Variants in PLCG2 observed in about 807,000 individuals in gnomAD.
PLCG2 encodes 1-phosphatidylinositol 4,5-bisphosphate phosphodiesterase gamma-2.
A neutral mutation model predicts 175.6 loss-of-function variants in PLCG2; 69 were observed. The ratio of observed to expected loss-of-function variants is 0.39; its 90% confidence interval spans 0.32 to 0.48. The LOEUF is 0.48. Ranked by LOEUF, PLCG2 falls within the 20% of genes least tolerant of loss-of-function variation. The pLI is 0.91. For synonymous variants in PLCG2, 827 were observed against 624.0 expected, an observed-to-expected ratio of 1.33 and a Z score of -4.85; for missense variants, 1,798 against 1,650.9, an observed-to-expected ratio of 1.09 and a Z score of -1.54.
intron 14 of PLCG2, among the ~76,000 whole-genome samples, chr16:81,904,081 C>T (rs1019217231): frequency 6.6e-6 from 1 of 152,162 alleles, no homozygotes; most frequent in Non-Finnish European, 1.5e-5. Context: ...CAGCCAGGGT[C>T]ACACATTTAG....
chr16:81,958,037 C>T lies in PLCG2; in HGVS notation c.*39C>T, dbSNP rs765000162. 1 of 1,449,488 alleles carries T rather than the reference C, an allele frequency of 6.9e-7. No homozygotes were observed. Among genetic ancestry groups the T allele is most frequent in the Admixed American group, 1.7e-5 (1 of 59,666 alleles). 89.8% of individuals were successfully genotyped at this position (1,449,488 alleles called of 1,614,324 possible). On this transcript the variant is annotated 3_prime_UTR_variant, in exon 33 of 33. Transcript: ENST00000564138. ...TGTGTAAGGGTATTGTGTGTGTGCG[C>T]ATGTGTGTTTGCATGTAGGAGAACG...
At chr16:81,896,051 C>G (rs1413010721) in intron 13 of PLCG2, 124 bp downstream of exon 13, 2 of 1,223,820 alleles carry the variant, frequency 1.6e-6, no homozygotes, top group Non-Finnish European at 2.3e-6. Context: ...GGCCTGGGCC[C>G]CATCTTGGCC....
At chr16:81,745,356 C>T (rs1909683618) in intron 1 of PLCG2, among the ~76,000 whole-genome samples, 1 of 152,178 alleles carries the variant, frequency 6.6e-6, no homozygotes, top group African/African-American at 2.4e-5. Flanking sequence ...GTTGCAATAT[C>T]CCTTAGGGTA....
intron 7 of PLCG2, among the ~76,000 whole-genome samples, chr16:81,874,903 C>T (rs1354441556): frequency 1.3e-5 from 2 of 149,280 alleles, no homozygotes; most frequent in Non-Finnish European, 2.9e-5. Context: ...AAGATGATAG[C>T]CAACATTTTC....
At chr16:81,839,068 T>G (rs1905683378) in intron 2 of PLCG2, among the ~76,000 whole-genome samples, 1 of 152,176 alleles carries the variant, frequency 6.6e-6, no homozygotes, top group Non-Finnish European at 1.5e-5. Context: ...CTAGGTAGAA[T>G]TTAATCATAT....
In PLCG2 at chr16:81,936,338, G is replaced by T. The variant is rs936251719; in HGVS notation, c.3012G>T (p.Leu1004=). The change falls in exon 27 of 33, where the codon CTG becomes CTT. Residue 1004 remains leucine, a synonymous_variant. Coordinates refer to ENST00000564138, the MANE Select transcript of PLCG2 (RefSeq NM_002661.5). Reference sequence around the variant, plus strand: ...ACTACGACCCCTTCCGCCTCTGGCTGTGCGGTTCTCAGATGGTGGCACTCA... The same window carrying T: ...ACTACGACCCCTTCCGCCTCTGGCTTTGCGGTTCTCAGATGGTGGCACTCA... ...SSNYDPFRLW[L]CGSQMVALNF... 9.3e-6 allele frequency: 15 copies of T among 1,614,148 alleles called. No individual in the cohort carries two copies. The highest frequency in any genetic ancestry group is 1.3e-5 in the Non-Finnish European group (15 of 1,180,028).
chr16:81,930,855 A>T (rs16956005), intron 24 of PLCG2, among the ~76,000 whole-genome samples: 31,733 of 152,102 alleles, frequency 0.21, 3,556 homozygotes, highest in African/African-American at 0.26. Context: ...CAGTTCACAA[A>T]ATTTTATGTA....
intron 8 of PLCG2, among the ~76,000 whole-genome samples, chr16:81,882,162 C>G (rs1316854250): frequency 6.6e-6 from 1 of 152,186 alleles, no homozygotes; most frequent in Non-Finnish European, 1.5e-5. Context: ...GGGAAACATA[C>G]CCATTACCCT....
At position 81,912,572 on chromosome 16, in the gene PLCG2, C is replaced by A. The variant is rs772387182; in HGVS notation, c.1935-25C>A. On this transcript the variant is annotated intron_variant, in intron 18 of 32. Transcript: ENST00000564138. The stretch of plus-strand genomic sequence containing the variant: ...ACAGCCTGGAGACCGCTCACCTGGT[C>A]GTTTTCCCTGGCCCTGTGCCGCAGG... The A allele has an allele frequency of 6.8e-6, 11 of 1,610,998 alleles. No individual in the cohort carries two copies. In the South Asian group the frequency reaches 1.1e-4, roughly 16 times the overall value.
At chr16:81,908,667 G>T in intron 17 of PLCG2, 76 bp downstream of exon 17, 1 of 1,330,418 alleles carries the variant, frequency 7.5e-7, no homozygotes, top group Non-Finnish European at 1.0e-6. Context: ...AGTGGTTCTA[G>T]CTCAGGCAGG....
At chr16:81,897,877 T>A (rs1004682654) in intron 13 of PLCG2, 2 of 455,820 alleles carry the variant, frequency 4.4e-6, no homozygotes, top group East Asian at 7.0e-5. Context: ...TTACTGCAGA[T>A]GTCCCTTGAG....
rs889447724 is a variant in PLCG2, at chr16:81,748,326, G to A, written c.-144-7544G>A. ...AATTGCTTGAACCTGGAAGGTGGAA[G>A]TTGCAGTAAGTCGAGATGGTGCCAC... On this transcript the variant is annotated intron_variant, in intron 1 of 5. Transcript: ENST00000565054. 7.9e-5 allele frequency among the ~76,000 whole-genome samples: 12 copies of A among 152,170 alleles called. No individual in the cohort carries two copies. The East Asian group carries it at 2.3e-3, about 30-fold the overall frequency.
At chr16:81,862,031 C>A (rs973632889) in intron 5 of PLCG2, among the ~76,000 whole-genome samples, 1 of 152,378 alleles carries the variant, frequency 6.6e-6, no homozygotes, top group East Asian at 1.9e-4. Context: ...GAAAATCCCA[C>A]CTTTCCTGTG....
At chr16:81,869,085 G>A in intron 5 of PLCG2, 129 bp from the exon 6 acceptor site, 1 of 696,114 alleles carries the variant, frequency 1.4e-6, no homozygotes, top group Non-Finnish European at 2.6e-6. Context: ...CCCAGTTAGT[G>A]GTCCATAAAT....
At chr16:81,852,734 C>T (rs902480541) in intron 2 of PLCG2, among the ~76,000 whole-genome samples, 5 of 152,304 alleles carry the variant, frequency 3.3e-5, no homozygotes, top group African/African-American at 1.2e-4. Flanking sequence ...TTATTTATTG[C>T]ACATATTTCT....
At chr16:81,950,990 G>C (rs1211032987) in intron 31 of PLCG2, among the ~76,000 whole-genome samples, 3 of 151,264 alleles carry the variant, frequency 2.0e-5, no homozygotes, top group Admixed American at 2.0e-4. Context: ...TTATCAAAAA[G>C]GCCAAATTTT....
At chr16:81,756,416 G>C (rs1358035752) in intron 2 of PLCG2, among the ~76,000 whole-genome samples, 1 of 152,238 alleles carries the variant, frequency 6.6e-6, no homozygotes, top group Non-Finnish European at 1.5e-5. Flanking sequence ...TTATACGGCA[G>C]CTATTATTAT....
At chr16:81,942,580 G>GGAAAGCAGCAGCCTTTATTGT (rs1191412187) in intron 30 of PLCG2, among the ~76,000 whole-genome samples, 2 of 152,168 alleles carry the variant, frequency 1.3e-5, no homozygotes, top group African/African-American at 4.8e-5. Context: ...AGCGCAGGAA[G>GGAAAGCAGCAGCCTTTATTGT]GAAAGCAGCA....
intron 15 of PLCG2, 133 bp from the exon 16 acceptor site, chr16:81,907,552 G>T: frequency 1.9e-6 from 1 of 534,982 alleles, no homozygotes. Context: ...CAGAGAATTC[G>T]CCATAAATGT....
Sources: gnomAD v4.1 joint callset for allele counts (sites outside exome capture counted in the v4.1 genomes callset) on GRCh38, gnomAD v4.1.1 for gene constraint, MANE v1.5 for transcripts, NCBI Gene and HGNC (gene_info 2026-07-23, HGNC 2026-07-21) for gene names.